Variants in LRMDA observed in about 807,000 individuals in gnomAD.
The protein encoded by LRMDA is leucine rich melanocyte differentiation associated.
LRMDA carries 18 observed loss-of-function variants against 29.8 expected under a neutral mutation model. The observed-to-expected ratio is 0.60, with a 90% CI of 0.42 to 0.90. The LOEUF (loss-of-function observed/expected upper bound fraction) is 0.90, where lower values mean the gene tolerates loss of function less well. Among genes scored for constraint, LRMDA ranks in the 40% least tolerant of loss-of-function variants. The pLI is 0.00. For synonymous variants in LRMDA, 125 were observed against 109.4 expected, an observed-to-expected ratio of 1.14 and a Z score of -0.89; for missense variants, 273 against 273.9, an observed-to-expected ratio of 1.00 and a Z score of 0.02.
rs563496838 is a variant in LRMDA at position 75,500,722 on chromosome 10, GGAGA to G, written c.131+62232_131+62235del. ...GGCACGTTTTACATGGTGGCAGGAG[GGAGA>G]GAGTGTACGAAGGGGGAAGAGCCCT... is the stretch of plus-strand genomic sequence containing the variant. On this transcript the variant is annotated intron_variant, in intron 2 of 6. Transcript: ENST00000611255. 3.1e-3 allele frequency among the ~76,000 whole-genome samples: 476 copies of G among 152,266 alleles called. 6 individuals carry two copies. The highest frequency in any genetic ancestry group is 0.011 in the African/African-American group (464 of 41,538).
intron 2 of LRMDA, among the ~76,000 whole-genome samples, chr10:76,016,635 TC>T (rs1224500004): frequency 4.6e-5 from 7 of 152,196 alleles, no homozygotes; most frequent in African/African-American, 1.7e-4. Flanking sequence ...CAGGCGTTAT[TC>T]ACTTACCTCT....
At chr10:75,526,132 C>G (rs1292708909) in intron 2 of LRMDA, among the ~76,000 whole-genome samples, 1 of 151,910 alleles carries the variant, frequency 6.6e-6, no homozygotes, top group East Asian at 1.9e-4. Context: ...GTGGTGTGAT[C>G]ATAGCCCACT....
chr10:75,911,581 G>A (rs760238486), intron 2 of LRMDA, among the ~76,000 whole-genome samples: 14 of 152,178 alleles, frequency 9.2e-5, no homozygotes, highest in Non-Finnish European at 1.8e-4. Context: ...GGTAATGCTG[G>A]CGTTTATGAA....
intron 5 of LRMDA, among the ~76,000 whole-genome samples, chr10:76,129,648 G>T (rs749637832): frequency 3.6e-4 from 54 of 152,092 alleles, no homozygotes; most frequent in Non-Finnish European, 4.3e-4. Context: ...CTTGTTTGTG[G>T]ATCTTCCTTC....
intron 6 of LRMDA, among the ~76,000 whole-genome samples, chr10:76,543,626 CAG>C: frequency 6.6e-6 from 1 of 152,198 alleles, no homozygotes; most frequent in African/African-American, 2.4e-5. Flanking sequence ...CACAGAGACT[CAG>C]TGGGCTGAAT....
intron 5 of LRMDA, among the ~76,000 whole-genome samples, chr10:76,093,862 G>A (rs903683224): frequency 1.3e-5 from 2 of 152,186 alleles, no homozygotes; most frequent in African/African-American, 4.8e-5. Context: ...AACATCTGCA[G>A]CTGTGTTACC....
intron 2 of LRMDA, among the ~76,000 whole-genome samples, chr10:75,540,942 G>A (rs564433014): frequency 6.6e-6 from 1 of 151,912 alleles, no homozygotes; most frequent in Non-Finnish European, 1.5e-5. Context: ...TACAGGAAGA[G>A]CTTAAAACAA....
At chr10:76,364,711 T>C (rs1841367849) in intron 6 of LRMDA, among the ~76,000 whole-genome samples, 1 of 151,924 alleles carries the variant, frequency 6.6e-6, no homozygotes, top group African/African-American at 2.4e-5. Context: ...ATGTTTAACT[T>C]TTTTCCCCAT....
chr10:76,287,111 T>G (rs1249754273), intron 5 of LRMDA, among the ~76,000 whole-genome samples: 1 of 152,200 alleles, frequency 6.6e-6, no homozygotes, highest in Non-Finnish European at 1.5e-5. Context: ...ATATACTAAA[T>G]GTCCCCTCTT....
chr10:76,188,526 C>G (rs536111680), intron 5 of LRMDA, among the ~76,000 whole-genome samples: 23 of 152,258 alleles, frequency 1.5e-4, no homozygotes, highest in African/African-American at 5.5e-4. Context: ...CTAGTTCCCT[C>G]TTGCGGGGCC....
chr10:76,222,205 A>G (rs1256435065), intron 5 of LRMDA, among the ~76,000 whole-genome samples: 1 of 152,164 alleles, frequency 6.6e-6, no homozygotes, highest in East Asian at 1.9e-4. Flanking sequence ...GGACATAGGC[A>G]TGGGCAAGGA....
intron 2 of LRMDA, among the ~76,000 whole-genome samples, chr10:75,580,144 A>C (rs1840568172): frequency 6.6e-6 from 1 of 152,230 alleles, no homozygotes; most frequent in African/African-American, 2.4e-5. Context: ...CTCTGTTTGC[A>C]GATGACATGA....
At chr10:76,398,030 G>A (rs763635877) in intron 6 of LRMDA, among the ~76,000 whole-genome samples, 2 of 152,074 alleles carry the variant, frequency 1.3e-5, no homozygotes, top group Non-Finnish European at 2.9e-5. Flanking sequence ...CTCTATTTTG[G>A]GACATCTGAG....
rs567554125 is a variant in LRMDA at position 76,376,743 on chromosome 10, CTTT to C, written c.601+52261_601+52263del. Among the ~76,000 whole-genome samples, 12 of 151,762 alleles carry C rather than the reference CTTT, an allele frequency of 7.9e-5. No individual in the cohort carries two copies. In the South Asian group the frequency reaches 2.5e-3, roughly 32 times the overall value. ...CTTGCCAACATCTGTTGTATTTTGA[CTTT>C]TTAATAATAGCCATTCTGACTGGTA... On this transcript the variant is annotated intron_variant, in intron 6 of 6. Coordinates refer to ENST00000611255, the MANE Select transcript of LRMDA (RefSeq NM_001305581.2).
At chr10:75,741,884 A>C (rs941814539) in intron 2 of LRMDA, among the ~76,000 whole-genome samples, 1 of 152,116 alleles carries the variant, frequency 6.6e-6, no homozygotes, top group Admixed American at 6.5e-5. Flanking sequence ...GGGGGTGATT[A>C]GGTCATAAGG....
intron 2 of LRMDA, among the ~76,000 whole-genome samples, chr10:75,453,627 T>C (rs1190167795): frequency 1.3e-5 from 2 of 152,228 alleles, no homozygotes; most frequent in Admixed American, 1.3e-4. Flanking sequence ...AACCCTAATA[T>C]GTTTTTTTCT....
chr10:75,821,507 C>A (rs180849906), intron 2 of LRMDA, among the ~76,000 whole-genome samples: 2 of 152,294 alleles, frequency 1.3e-5, no homozygotes, highest in East Asian at 3.9e-4. Context: ...TGGTGGCTCA[C>A]GCCTGTAATC....
intron 2 of LRMDA, among the ~76,000 whole-genome samples, chr10:75,486,218 T>C (rs1159941301): frequency 1.3e-5 from 2 of 152,240 alleles, no homozygotes; most frequent in African/African-American, 2.4e-5. Context: ...TTTCTACTTA[T>C]TGGAATTTAG....
chr10:76,067,303 A>G (rs1848800646), intron 5 of LRMDA, among the ~76,000 whole-genome samples: 2 of 152,200 alleles, frequency 1.3e-5, no homozygotes, highest in Non-Finnish European at 2.9e-5. Flanking sequence ...ACTGGCAATG[A>G]CTAAGATGGA....
Sources: gnomAD v4.1 joint callset for allele counts (sites outside exome capture counted in the v4.1 genomes callset) on GRCh38, gnomAD v4.1.1 for gene constraint, MANE v1.5 for transcripts, NCBI Gene and HGNC (gene_info 2026-07-23, HGNC 2026-07-21) for gene names.